TPM1: variants seen among roughly 807,000 people sequenced by gnomAD.
TPM1 encodes tropomyosin 1, also known as tropomyosin alpha-1 chain.
Under a neutral mutation model 42.9 loss-of-function variants are expected in TPM1, and 24 were observed. The observed-to-expected ratio is 0.56, with a 90% CI of 0.41 to 0.79. The LOEUF (loss-of-function observed/expected upper bound fraction) is 0.79, where lower values mean the gene tolerates loss of function less well. Ranked by LOEUF, TPM1 falls within the 30% of genes least tolerant of loss-of-function variation. The pLI is 0.00. For missense variants in TPM1, 158 were observed against 351.8 expected, an observed-to-expected ratio of 0.45 and a Z score of 4.41; for synonymous variants, 136 against 130.1, an observed-to-expected ratio of 1.05 and a Z score of -0.31.
At chr15:63,069,436 G>A (rs1243216433), downstream of TPM1, among the ~76,000 whole-genome samples, 1 of 152,184 alleles carries the variant, frequency 6.6e-6, no homozygotes, top group African/African-American at 2.4e-5. Context: ...GCACTGGGCA[G>A]GTTGATGTTT....
In TPM1 at chr15:63,052,708, A is replaced by G. The variant is rs74020982; in HGVS notation, c.241-4277A>G. Among the ~76,000 whole-genome samples, 1,145 of 152,196 alleles carry G rather than the reference A, an allele frequency of 7.5e-3. 17 individuals are homozygous for G. The highest frequency in any genetic ancestry group is 0.026 in the African/African-American group (1,096 of 41,502). On this transcript the variant is annotated intron_variant, in intron 2 of 9. Coordinates refer to ENST00000403994, the MANE Select transcript of TPM1 (RefSeq NM_001018005.2). ...CCGGCAGAGGCAACAGCAGGTCCTT[A>G]AGACTCCCCAGGTGCCATGATGAAA...
chr15:63,060,348 C>T (rs999292956), intron 4 of TPM1, among the ~76,000 whole-genome samples: 32 of 152,176 alleles, frequency 2.1e-4, no homozygotes, highest in African/African-American at 7.2e-4. Flanking sequence ...CAGAGGCTCC[C>T]TTCCTCTCTC....
chr15:63,044,603 TA>T (rs1220305967), intron 2 of TPM1: 18 of 309,564 alleles, frequency 5.8e-5, no homozygotes, highest in Non-Finnish European at 1.1e-4. Context: ...ACCTGGCCTC[TA>T]AATGAAAGAA....
chr15:63,059,743 C>A, intron 4 of TPM1, 63 bp downstream of exon 4: 1 of 1,201,980 alleles, frequency 8.3e-7, no homozygotes, highest in Non-Finnish European at 1.2e-6. Context: ...AGCCAGGGAG[C>A]AATGTACAGT....
downstream of TPM1, chr15:63,071,031 A>G (rs2036580896): frequency 2.5e-6 from 4 of 1,610,600 alleles, no homozygotes; most frequent in Non-Finnish European, 3.4e-6. Flanking sequence ...TAAATGTACA[A>G]ACCACCATTG....
intron 2 of TPM1, among the ~76,000 whole-genome samples, chr15:63,053,551 T>C (rs2034274645): frequency 6.6e-6 from 1 of 152,126 alleles, no homozygotes; most frequent in African/African-American, 2.4e-5. Flanking sequence ...AGTCAAGAGC[T>C]AGAAGAATAG....
At chr15:63,061,452 G>C in intron 5 of TPM1, 3 of 767,818 alleles carry the variant, frequency 3.9e-6, no homozygotes, top group Non-Finnish European at 6.7e-6. Flanking sequence ...CTTCATAAAT[G>C]CTCTTTGGGC....
At chr15:63,049,226 C>T (rs934400435) in intron 2 of TPM1, 3 of 183,716 alleles carry the variant, frequency 1.6e-5, no homozygotes, top group Non-Finnish European at 3.5e-5. Context: ...CCTGTGTCTC[C>T]GAGGCGGTAG....
intron 2 of TPM1, among the ~76,000 whole-genome samples, chr15:63,055,429 C>A (rs775940068): frequency 1.7e-4 from 26 of 152,180 alleles, no homozygotes; most frequent in Non-Finnish European, 3.2e-4. Context: ...TCTCAGATTC[C>A]TTTGATTAAA....
In TPM1 at chr15:63,062,013, A is replaced by G; in HGVS notation, c.640-202A>G. 4.4e-6 allele frequency: 3 copies of G among 674,166 alleles called. No individual in the cohort carries two copies. The South Asian group carries it at 5.3e-5, about 12-fold the overall frequency. The allele number at this position is 674,166 out of a possible 1,614,324, so 41.8% of individuals were successfully genotyped here. On this transcript the variant is annotated intron_variant, in intron 6 of 9. Transcript: ENST00000403994. ...AATTTAAACCAAGTGCCAAGTGGATAAGTTATCTTGTTGTTATCCCATGTA... is the reference window on the plus strand; with the variant it reads ...AATTTAAACCAAGTGCCAAGTGGATGAGTTATCTTGTTGTTATCCCATGTA...
chr15:63,043,401 T>C, intron 1 of TPM1: 1 of 612,008 alleles, frequency 1.6e-6, no homozygotes, highest in Non-Finnish European at 3.1e-6. Context: ...AGAACAAAGA[T>C]GGGGCGGAAT....
At chr15:63,043,554 C>A in intron 1 of TPM1, 1 of 1,261,510 alleles carries the variant, frequency 7.9e-7, no homozygotes, top group Non-Finnish European at 1.1e-6. Context: ...GGTTCCAGCT[C>A]GGGTAAAGAG....
At chr15:63,046,137 C>T (rs1410927956) in intron 2 of TPM1, 1 of 152,220 alleles carries the variant, frequency 6.6e-6, no homozygotes, top group Non-Finnish European at 1.5e-5. Context: ...AGGCTACAAA[C>T]TTGTACAGTG....
At chr15:63,046,412 C>T (rs530814832) in intron 2 of TPM1, 5 of 152,332 alleles carry the variant, frequency 3.3e-5, no homozygotes, top group South Asian at 2.1e-4. Flanking sequence ...GAGGTGGAAT[C>T]GTATTACCTT....
chr15:63,069,868 A>G (rs1200174748), downstream of TPM1: 1 of 1,614,058 alleles, frequency 6.2e-7, no homozygotes, highest in Admixed American at 1.7e-5. Flanking sequence ...TGACCTGTAC[A>G]GATCAACTCT....
intron 2 of TPM1, chr15:63,048,054 A>G (rs1167660175): frequency 5.8e-6 from 2 of 345,844 alleles, no homozygotes; most frequent in Admixed American, 7.5e-5. Flanking sequence ...TTTAGGGCAT[A>G]TTCCGGCTCC....
intron 3 of TPM1, among the ~76,000 whole-genome samples, chr15:63,058,896 A>C (rs1427492220): frequency 6.6e-6 from 1 of 152,144 alleles, no homozygotes; most frequent in African/African-American, 2.4e-5. Flanking sequence ...ACCCTAATAC[A>C]CTCAGTGTAG....
In TPM1 at chr15:63,064,059, CAT is replaced by C; in HGVS notation, c.773-3_773-2del. On this transcript the variant is annotated splice_polypyrimidine_tract_variant and splice_region_variant and intron_variant, in intron 8 of 9. Coordinates refer to ENST00000403994, the MANE Select transcript of TPM1 (RefSeq NM_001018005.2). Reference sequence around the variant, plus strand: ...GCACCTCTGCCTTCCACTTCCTGGTCATAGACGAGCTGTACGCTCAGAAACTG... The same window carrying C: ...GCACCTCTGCCTTCCACTTCCTGGTCAGACGAGCTGTACGCTCAGAAACTG... 6.2e-7 allele frequency: 1 copy of C among 1,613,916 alleles called. No individual in the cohort carries two copies. Among genetic ancestry groups the C allele is most frequent in the Admixed American group, 1.7e-5 (1 of 60,028 alleles).
intron 4 of TPM1, among the ~76,000 whole-genome samples, chr15:63,060,157 T>C (rs1381507168): frequency 6.6e-6 from 1 of 152,190 alleles, no homozygotes; most frequent in African/African-American, 2.4e-5. Flanking sequence ...TTCAGCAGAA[T>C]TTGCTCCTGG....
Sources: gnomAD v4.1 joint callset for allele counts (sites outside exome capture counted in the v4.1 genomes callset) on GRCh38, gnomAD v4.1.1 for gene constraint, MANE v1.5 for transcripts, NCBI Gene and HGNC (gene_info 2026-07-23, HGNC 2026-07-21) for gene names.